The following PTPRT variants were observed in gnomAD, a reference collection of about 807,000 sequenced individuals.
PTPRT encodes the protein protein tyrosine phosphatase receptor type T, also known as receptor-type tyrosine-protein phosphatase T.
Under a neutral mutation model 176.8 loss-of-function variants are expected in PTPRT, and 56 were observed. The observed-to-expected ratio is 0.32, with a 90% CI of 0.26 to 0.40. The LOEUF (loss-of-function observed/expected upper bound fraction) is 0.40, where lower values mean the gene tolerates loss of function less well. Ranked by LOEUF, PTPRT falls within the 10% of genes least tolerant of loss-of-function variation. The pLI is 1.00. For synonymous variants in PTPRT, 783 were observed against 739.0 expected (o/e 1.06, Z -0.96); for missense variants, 1,540 against 1,908.2 (o/e 0.81, Z 3.60).
intron 12 of PTPRT, among the ~76,000 whole-genome samples, chr20:42,314,635 T>C (rs2057689418): frequency 1.3e-5 from 2 of 152,118 alleles, no homozygotes; most frequent in Non-Finnish European, 2.9e-5. Flanking sequence ...TAAAGATATT[T>C]AGCTTGCAGA....
chr20:42,162,517 C>T (rs1161268689), intron 16 of PTPRT, among the ~76,000 whole-genome samples: 1 of 152,222 alleles, frequency 6.6e-6, no homozygotes, highest in African/African-American at 2.4e-5. Context: ...CATTCTTGAT[C>T]TCTCAGGGCC....
rs2145545964 is a variant in PTPRT at position 42,791,190 on chromosome 20, C to T, written c.486+5G>A. ...CAAAAATAAAACCATGGTAAAATGC[C>T]ATACCTGATAGAAATGTGGCCAGAA... On this transcript the variant is annotated splice_donor_5th_base_variant and intron_variant, in intron 3 of 30. Coordinates refer to ENST00000373187, the MANE Select transcript of PTPRT (RefSeq NM_007050.6). 1 of 1,577,236 alleles carries T rather than the reference C, an allele frequency of 6.3e-7. No individual in the cohort carries two copies. The highest frequency in any genetic ancestry group is 8.6e-7 in the Non-Finnish European group (1 of 1,161,448).
intron 1 of PTPRT, among the ~76,000 whole-genome samples, chr20:43,106,208 C>T (rs948149052): frequency 2.0e-5 from 3 of 152,210 alleles, no homozygotes; most frequent in African/African-American, 7.2e-5. Flanking sequence ...GCCCAAACCA[C>T]CTGCCCTCTC....
intron 22 of PTPRT, among the ~76,000 whole-genome samples, chr20:42,112,342 C>A (rs1987044765): frequency 6.6e-6 from 1 of 152,154 alleles, no homozygotes; most frequent in Non-Finnish European, 1.5e-5. Flanking sequence ...CTGTTCTCAG[C>A]TGAACAGGAA....
At chr20:42,039,838 A>G in the PTPRT span, among the ~76,000 whole-genome samples, 1 of 151,582 alleles carries the variant, frequency 6.6e-6, no homozygotes, top group South Asian at 2.1e-4. Context: ...ATGTTTATTC[A>G]TTGATGGACA....
intron 18 of PTPRT, among the ~76,000 whole-genome samples, chr20:42,141,430 T>G (rs773510074): frequency 3.9e-5 from 6 of 152,204 alleles, no homozygotes; most frequent in Non-Finnish European, 5.9e-5. Flanking sequence ...ATCATTCTCT[T>G]GCCCGGGTTC....
chr20:42,705,181 G>T lies in PTPRT; in HGVS notation c.860-27022C>A, dbSNP rs74502914. On this transcript the variant is annotated intron_variant, in intron 6 of 30. Coordinates refer to ENST00000373187, the MANE Select transcript of PTPRT (RefSeq NM_007050.6). ...GATTGCACTACTGCACCCCAGCATG[G>T]GCAAAAAGAGTGAAATTGTATCTCG... is the stretch of plus-strand genomic sequence containing the variant. 4.8e-3 allele frequency among the ~76,000 whole-genome samples: 736 copies of T among 151,986 alleles called. 9 individuals are homozygous for T. Among genetic ancestry groups the T allele is most frequent in the African/African-American group, 0.017 (692 of 41,464 alleles).
chr20:42,124,138 C>T (rs1987734852), intron 19 of PTPRT, among the ~76,000 whole-genome samples: 2 of 152,240 alleles, frequency 1.3e-5, no homozygotes, highest in African/African-American at 4.8e-5. Flanking sequence ...CGAGACTCCT[C>T]AGCAAAGGAG....
chr20:43,070,011 C>T (rs1160929290), intron 1 of PTPRT, among the ~76,000 whole-genome samples: 2 of 152,294 alleles, frequency 1.3e-5, no homozygotes, highest in South Asian at 2.1e-4. Context: ...TTTTAGAAAA[C>T]GCTTTTGCCC....
chr20:42,309,906 A>G (rs903610195), intron 12 of PTPRT, among the ~76,000 whole-genome samples: 3 of 152,166 alleles, frequency 2.0e-5, no homozygotes, highest in African/African-American at 4.8e-5. Flanking sequence ...AATAAAATAC[A>G]TATATATCTA....
At chr20:42,792,431 G>A (rs1317106764) in intron 2 of PTPRT, among the ~76,000 whole-genome samples, 6 of 152,164 alleles carry the variant, frequency 3.9e-5, no homozygotes, top group Non-Finnish European at 8.8e-5. Context: ...TTTCTAACAA[G>A]TAAAGTTGGT....
At chr20:43,065,671 C>A (rs2011106487) in intron 1 of PTPRT, among the ~76,000 whole-genome samples, 2 of 152,164 alleles carry the variant, frequency 1.3e-5, no homozygotes, top group Admixed American at 1.3e-4. Flanking sequence ...GCCAGAGGTT[C>A]AGGTAAGGTG....
intron 5 of PTPRT, 118 bp downstream of exon 5, chr20:42,771,317 T>C (rs966086875): frequency 2.3e-6 from 2 of 875,636 alleles, no homozygotes; most frequent in Admixed American, 4.1e-5. Flanking sequence ...CTAGCTGTTG[T>C]CCCCCTCTGC....
At chr20:42,560,719 G>T (rs2072939150) in intron 7 of PTPRT, among the ~76,000 whole-genome samples, 1 of 152,172 alleles carries the variant, frequency 6.6e-6, no homozygotes, top group South Asian at 2.1e-4. Context: ...AATTGGAGGT[G>T]CTGTGTCCTT....
intron 7 of PTPRT, among the ~76,000 whole-genome samples, chr20:42,473,808 A>C (rs1276429604): frequency 6.6e-6 from 1 of 151,974 alleles, no homozygotes. Flanking sequence ...TAGAAACATA[A>C]CTTCTCATGT....
intron 1 of PTPRT, among the ~76,000 whole-genome samples, chr20:42,960,161 A>G (rs1981905653): frequency 6.6e-6 from 1 of 152,208 alleles, no homozygotes; most frequent in South Asian, 2.1e-4. Context: ...GTCAATTTTA[A>G]TAAATATTTT....
chr20:43,127,920 C>T (rs560874977), intron 1 of PTPRT, among the ~76,000 whole-genome samples: 1 of 152,234 alleles, frequency 6.6e-6, no homozygotes, highest in South Asian at 2.1e-4. Context: ...TTTGATTGAG[C>T]GATTTTCCCA....
intron 2 of PTPRT, among the ~76,000 whole-genome samples, chr20:42,846,296 T>G (rs1460910079): frequency 6.6e-6 from 1 of 152,194 alleles, no homozygotes; most frequent in Non-Finnish European, 1.5e-5. Context: ...ACAAGGCTTA[T>G]TAAGACACCT....
intron 16 of PTPRT, among the ~76,000 whole-genome samples, chr20:42,169,333 T>C (rs1179804351): frequency 6.6e-6 from 1 of 152,102 alleles, no homozygotes; most frequent in African/African-American, 2.4e-5. Flanking sequence ...GATAAAGAGA[T>C]CAATCCTCCT....
Sources: gnomAD v4.1 joint callset for allele counts (sites outside exome capture counted in the v4.1 genomes callset) on GRCh38, gnomAD v4.1.1 for gene constraint, MANE v1.5 for transcripts, NCBI Gene and HGNC (gene_info 2026-07-23, HGNC 2026-07-21) for gene names.